DLGAP1: variants seen among roughly 807,000 people sequenced by gnomAD.
The protein encoded by DLGAP1 is disks large-associated protein 1.
A neutral mutation model predicts 90.8 loss-of-function variants in DLGAP1; 11 were observed. The observed-to-expected ratio is 0.12, with a 90% confidence interval of 0.08 to 0.20. The LOEUF is 0.20. Ranked by LOEUF, DLGAP1 falls within the 10% of genes least tolerant of loss-of-function variation. The probability of loss-of-function intolerance (pLI) is 1.00; values close to 1 mark genes in which losing one functional copy is unlikely to be tolerated. For synonymous variants in DLGAP1, 558 were observed against 540.7 expected (o/e 1.03, Z -0.44); for missense variants, 1,050 against 1,333.8 (o/e 0.79, Z 3.31).
chr18:3,836,937 G>A (rs1234987723), intron 4 of DLGAP1, among the ~76,000 whole-genome samples: 1 of 152,198 alleles, frequency 6.6e-6, no homozygotes, highest in Non-Finnish European at 1.5e-5. Flanking sequence ...AAATACAAAT[G>A]ATGAACAATG....
intron 7 of DLGAP1, among the ~76,000 whole-genome samples, chr18:3,663,829 G>C (rs1285505473): frequency 6.6e-6 from 1 of 152,202 alleles, no homozygotes; most frequent in South Asian, 2.1e-4. Context: ...CCAGAGATTT[G>C]AACAAACATT....
intron 7 of DLGAP1, among the ~76,000 whole-genome samples, chr18:3,665,074 G>A (rs750259455): frequency 6.6e-6 from 1 of 152,182 alleles, no homozygotes; most frequent in African/African-American, 2.4e-5. Context: ...AAGCACAAGA[G>A]AGCCTCTGGG....
chr18:4,099,296 C>CTGTCT (rs1222444832), intron 2 of DLGAP1, among the ~76,000 whole-genome samples: 4 of 144,058 alleles, frequency 2.8e-5, no homozygotes, highest in South Asian at 4.6e-4. Flanking sequence ...ATCTGTCTAT[C>CTGTCT]ATCTATCTAT....
intron 1 of DLGAP1, among the ~76,000 whole-genome samples, chr18:4,164,175 C>T (rs2076894652): frequency 6.6e-6 from 1 of 152,020 alleles, no homozygotes; most frequent in South Asian, 2.1e-4. Context: ...TCACTAAAAT[C>T]AAAGATTTAA....
At chr18:3,835,093 A>C (rs1178630271) in intron 4 of DLGAP1, among the ~76,000 whole-genome samples, 1 of 152,246 alleles carries the variant, frequency 6.6e-6, no homozygotes, top group East Asian at 1.9e-4. Context: ...AACTGTATGC[A>C]AAAACCCATA....
intron 1 of DLGAP1, among the ~76,000 whole-genome samples, chr18:4,257,655 C>T (rs1169987347): frequency 2.7e-5 from 4 of 148,126 alleles, no homozygotes; most frequent in Non-Finnish European, 5.9e-5. Flanking sequence ...GATGGAGTGT[C>T]GCTCTGTCGC....
chr18:4,448,918 A>G (rs868385454), intron 1 of DLGAP1, among the ~76,000 whole-genome samples: 2 of 151,954 alleles, frequency 1.3e-5, no homozygotes, highest in African/African-American at 4.8e-5. Context: ...CTCCCACAAC[A>G]CTTTCCACCT....
intron 1 of DLGAP1, among the ~76,000 whole-genome samples, chr18:4,324,208 C>A (rs2080764007): frequency 1.3e-5 from 2 of 151,622 alleles, no homozygotes; most frequent in African/African-American, 2.4e-5. Context: ...CACAGAAATA[C>A]AACCAACAAT....
At chr18:4,237,534 A>T (rs595601) in intron 1 of DLGAP1, among the ~76,000 whole-genome samples, 88,340 of 151,942 alleles carry the variant, frequency 0.58, 25,894 homozygotes, top group East Asian at 0.76. Flanking sequence ...AGCTCTGGAA[A>T]GTCCAGGTTC....
At chr18:3,957,839 T>C (rs2073112323) in intron 3 of DLGAP1, among the ~76,000 whole-genome samples, 1 of 152,098 alleles carries the variant, frequency 6.6e-6, no homozygotes, top group Non-Finnish European at 1.5e-5. Flanking sequence ...AAGTGTGTAT[T>C]TGATAAAGGT....
At chr18:4,365,230 C>T (rs569743216) in intron 1 of DLGAP1, among the ~76,000 whole-genome samples, 1 of 152,232 alleles carries the variant, frequency 6.6e-6, no homozygotes, top group South Asian at 2.1e-4. Context: ...TACAGTTTTA[C>T]ACAGCAATAT....
At chr18:4,320,293 A>G (rs889012755) in intron 1 of DLGAP1, among the ~76,000 whole-genome samples, 11 of 152,180 alleles carry the variant, frequency 7.2e-5, no homozygotes, top group Non-Finnish European at 1.5e-4. Flanking sequence ...AAAGATGCCC[A>G]TTTGATGAGT....
intron 2 of DLGAP1, among the ~76,000 whole-genome samples, chr18:4,043,616 C>A (rs1568366408): frequency 1.3e-5 from 2 of 152,152 alleles, no homozygotes; most frequent in Non-Finnish European, 2.9e-5. Context: ...TGCATCTTTT[C>A]TTTTATACTT....
intron 10 of DLGAP1, among the ~76,000 whole-genome samples, chr18:3,522,206 G>A (rs1398837183): frequency 7.0e-6 from 1 of 142,294 alleles, no homozygotes; most frequent in East Asian, 2.1e-4. Flanking sequence ...GTACCATGTC[G>A]GCTCACTGCA....
chr18:4,250,656 T>C (rs767531880), intron 1 of DLGAP1, among the ~76,000 whole-genome samples: 31 of 152,172 alleles, frequency 2.0e-4, no homozygotes, highest in South Asian at 6.2e-4. Context: ...AGCATCTTGA[T>C]TTCAAACATG....
chr18:3,874,981 T>C lies in DLGAP1; in HGVS notation c.957+4131A>G, dbSNP rs1223694. The stretch of plus-strand genomic sequence containing the variant: ...ATACTTATAGACTTCTCATTTTCTA[T>C]AGAATCATGGCAATGGCCTAAATTA... On this transcript the variant is annotated intron_variant, in intron 4 of 12. Coordinates refer to ENST00000315677, the MANE Select transcript of DLGAP1 (RefSeq NM_004746.4). 9.8e-3 allele frequency among the ~76,000 whole-genome samples: 1,486 copies of C among 152,300 alleles called. 19 individuals are homozygous for C. The highest frequency in any genetic ancestry group is 0.041 in the Middle Eastern group (12 of 294).
chr18:4,237,849 C>T (rs928419562), intron 1 of DLGAP1, among the ~76,000 whole-genome samples: 1 of 152,048 alleles, frequency 6.6e-6, no homozygotes, highest in Non-Finnish European at 1.5e-5. Context: ...TGACTACTGC[C>T]AAATGAGTTA....
intron 1 of DLGAP1, among the ~76,000 whole-genome samples, chr18:4,361,413 C>A (rs1481837181): frequency 6.6e-6 from 1 of 151,992 alleles, no homozygotes; most frequent in Non-Finnish European, 1.5e-5. Context: ...AGAATACAGG[C>A]CAATGGAACA....
At chr18:4,229,134 C>T (rs1431209788) in intron 1 of DLGAP1, among the ~76,000 whole-genome samples, 4 of 151,580 alleles carry the variant, frequency 2.6e-5, no homozygotes, top group South Asian at 2.1e-4. Flanking sequence ...ACCAAAGAAG[C>T]GAAAGATCTA....
Sources: allele counts gnomAD v4.1 joint callset (sites outside exome capture counted in the v4.1 genomes callset), GRCh38; gene constraint gnomAD v4.1.1; transcripts MANE v1.5; gene names NCBI Gene and HGNC (gene_info 2026-07-23, HGNC 2026-07-21).